EXD2: variants seen among roughly 807,000 people sequenced by gnomAD.
EXD2 encodes exonuclease 3'-5' domain containing 2, also known as exonuclease 3'-5' domain-containing protein 2.
Under a neutral mutation model 62.5 loss-of-function variants are expected in EXD2, and 40 were observed. The ratio of observed to expected loss-of-function variants is 0.64; its 90% confidence interval spans 0.50 to 0.83. EXD2 has a LOEUF of 0.83. EXD2 is among the 40% of genes least tolerant of loss of function. EXD2 has a pLI of 0.00. For missense variants in EXD2, 671 were observed against 761.8 expected (o/e 0.88, Z 1.40); for synonymous variants, 239 against 291.9 (o/e 0.82, Z 1.85).
chr14:69,201,672 G>GTTTTTTTT (rs71102634), intron 1 of EXD2, among the ~76,000 whole-genome samples: 3 of 59,024 alleles, frequency 5.1e-5, no homozygotes, highest in Non-Finnish European at 9.1e-5. Flanking sequence ...TGTTTTCTCT[G>GTTTTTTTT]TTTTTTTTTT....
intron 5 of EXD2, among the ~76,000 whole-genome samples, chr14:69,231,012 T>A (rs1274948566): frequency 6.6e-6 from 1 of 152,230 alleles, no homozygotes; most frequent in Non-Finnish European, 1.5e-5. Context: ...CTCGAACTTC[T>A]GACCTCAAGT....
intron 3 of EXD2, among the ~76,000 whole-genome samples, chr14:69,216,000 A>G (rs1051593316): frequency 6.6e-6 from 1 of 152,094 alleles, no homozygotes; most frequent in Admixed American, 6.6e-5. Context: ...AGTACAGTTG[A>G]TCAAGTCTTT....
Position 69,237,817 on chromosome 14 carries a change from C to T in EXD2, c.1535C>T (p.Ala512Val), listed in dbSNP as rs368454564. The change falls in exon 9 of 10, where the codon GCG (alanine) becomes GTG (valine). Residue 512 changes from alanine (A) to valine (V), a missense_variant. Ala to Val is a moderately conservative substitution (Grantham distance 64, BLOSUM62 0). Transcript: ENST00000685843. ...TCTGGGGCCAGGGCCCTGCTCAACG[C>T]GGAGAGCCTGCCTACTCAGCGAAAG... The part of the protein sequence containing the change: ...VRSGARALLN[A>V]ESLPTQRKEE... 76 of 1,613,572 alleles carry T rather than the reference C, an allele frequency of 4.7e-5. No homozygotes were observed. The highest frequency in any genetic ancestry group is 5.8e-5 in the Non-Finnish European group (69 of 1,179,908).
rs774146343 is a variant in EXD2, at chr14:69,228,910, G to A, written c.428G>A (p.Cys143Tyr). 3.1e-6 allele frequency: 5 copies of A among 1,614,052 alleles called. No individual in the cohort carries two copies. Among genetic ancestry groups the A allele is most frequent in the South Asian group, 1.1e-5 (1 of 91,080 alleles). ...CVLVRLPKLI[C>Y]GGKTLPRTLL... is the part of the protein sequence containing the mutation. ...TTGGTTCGCCTGCCCAAGCTAATCT[G>A]TGGAGGAAAAACACTACCAAGAACG... The change falls in exon 4 of 10, where the codon TGT (cysteine) becomes TAT (tyrosine). Residue 143 changes from cysteine (C) to tyrosine (Y), a missense_variant. Physicochemically the swap from Cys to Tyr is radical, Grantham distance 194 (BLOSUM62 -2). Coordinates refer to ENST00000685843, the MANE Select transcript of EXD2 (RefSeq NM_001193360.2).
Position 69,236,456 on chromosome 14 carries a change from A to G in EXD2, c.1206A>G (p.Ala402=). ...PFVVKLRFEP[A]GRPESPGDYY... is the part of the protein sequence containing the mutation. ...TGGTGAAGCTACGGTTTGAACCTGCAGGAAGGCCCGAATCTCCTGGAGACT... is the reference window on the plus strand; with the variant it reads ...TGGTGAAGCTACGGTTTGAACCTGCGGGAAGGCCCGAATCTCCTGGAGACT... The change falls in exon 8 of 10, where the codon GCA becomes GCG. Residue 402 remains alanine, a synonymous_variant. Coordinates refer to ENST00000685843, the MANE Select transcript of EXD2 (RefSeq NM_001193360.2). The G allele has an allele frequency of 2.5e-6, 4 of 1,614,186 alleles. No individual in the cohort carries two copies. The highest frequency in any genetic ancestry group is 3.4e-6 in the Non-Finnish European group (4 of 1,180,022).
intron 5 of EXD2, among the ~76,000 whole-genome samples, chr14:69,233,395 A>T (rs2043653351): frequency 6.6e-6 from 1 of 151,670 alleles, no homozygotes; most frequent in Non-Finnish European, 1.5e-5. Context: ...TTTTTTTAAA[A>T]TTTTAGTTTT....
chr14:69,192,942 G>C (rs4902699), intron 1 of EXD2, among the ~76,000 whole-genome samples: 2 of 152,036 alleles, frequency 1.3e-5, no homozygotes, highest in Admixed American at 1.3e-4. Context: ...GAGCCCATGT[G>C]AGAGCATTTC....
chr14:69,206,599 G>GC (rs1481003702), intron 2 of EXD2, among the ~76,000 whole-genome samples: 2 of 151,126 alleles, frequency 1.3e-5, no homozygotes, highest in East Asian at 3.9e-4. Context: ...CCCACCTCAG[G>GC]CCCCCCAAGT....
intron 1 of EXD2, among the ~76,000 whole-genome samples, chr14:69,195,231 A>AG (rs1034021280): frequency 1.1e-4 from 2 of 17,406 alleles, no homozygotes; most frequent in Non-Finnish European, 1.9e-4. Flanking sequence ...AAAAAAAAAA[A>AG]AGAGAGATGA....
At chr14:69,240,822 C>A in intron 9 of EXD2, 62 bp from the exon 10 acceptor site, 2 of 1,449,692 alleles carry the variant, frequency 1.4e-6, no homozygotes, top group Non-Finnish European at 1.9e-6. Context: ...GCATTTGAAG[C>A]TGTCTGTGAG....
chr14:69,218,404 G>A (rs1019361671), intron 3 of EXD2, among the ~76,000 whole-genome samples: 1 of 152,096 alleles, frequency 6.6e-6, no homozygotes, highest in Non-Finnish European at 1.5e-5. Context: ...ATTTGTTTGA[G>A]TTCTTTGTTG....
chr14:69,229,107 T>C, intron 4 of EXD2, 35 bp downstream of exon 4: 1 of 1,607,818 alleles, frequency 6.2e-7, no homozygotes. Flanking sequence ...TTCCTATAGC[T>C]GCGGGACAAA....
chr14:69,210,751 C>T (rs1455470966), intron 3 of EXD2, among the ~76,000 whole-genome samples: 4 of 151,732 alleles, frequency 2.6e-5, no homozygotes, highest in Non-Finnish European at 5.9e-5. Context: ...TTGAAGCTGT[C>T]GTGAGCTATG....
Position 69,241,218 on chromosome 14 carries a change from C to G in EXD2, c.*118C>G. On this transcript the variant is annotated 3_prime_UTR_variant, in exon 10 of 10. Transcript: ENST00000685843. ...AGCCTGTGTGACACAACTCAGAATA[C>G]TAACCTAGACTAATCCCAGGATGCT... is the stretch of plus-strand genomic sequence containing the variant. 1.4e-6 allele frequency: 1 copy of G among 726,926 alleles called. No individual in the cohort carries two copies. The highest frequency in any genetic ancestry group is 2.8e-5 in the Admixed American group (1 of 36,038). 45.0% of individuals were successfully genotyped at this position (726,926 alleles called of 1,614,324 possible). A position where few individuals can be genotyped will look rare whatever the true frequency, so the allele number is the denominator to read the frequency against.
chr14:69,231,594 C>G (rs147301845), intron 5 of EXD2, among the ~76,000 whole-genome samples: 1 of 152,144 alleles, frequency 6.6e-6, no homozygotes, highest in African/African-American at 2.4e-5. Flanking sequence ...ATTATTTCCA[C>G]CCCAGACTCC....
chr14:69,236,128 T>G lies in EXD2; in HGVS notation c.1132T>G (p.Trp378Gly). The change falls in exon 7 of 10, where the codon TGG becomes GGG. Residue 378 changes from tryptophan to glycine, a missense_variant. Transcript: ENST00000685843. ...CACTTGTGATAGAAGAAAAGCTCAG[T>G]GGTACCTGGACAAAGGCATTGGTGG... ...LCTCDRRKAQ[W>G]YLDKGIGELV... 2 of 1,614,092 alleles carry G rather than the reference T, an allele frequency of 1.2e-6. No homozygotes were observed. The highest frequency in any genetic ancestry group is 1.7e-6 in the Non-Finnish European group (2 of 1,179,932).
At chr14:69,222,050 T>C (rs1273344604) in intron 3 of EXD2, among the ~76,000 whole-genome samples, 1 of 151,410 alleles carries the variant, frequency 6.6e-6, no homozygotes, top group Non-Finnish European at 1.5e-5. Context: ...ATCGTGCCAT[T>C]GCACTCCACC....
chr14:69,213,226 C>T (rs1010515252), intron 3 of EXD2, among the ~76,000 whole-genome samples: 1 of 151,712 alleles, frequency 6.6e-6, no homozygotes, highest in African/African-American at 2.4e-5. Flanking sequence ...AGGTGTGAGC[C>T]ACCACATGCC....
chr14:69,218,911 C>T (rs2043075340), intron 3 of EXD2, among the ~76,000 whole-genome samples: 1 of 152,090 alleles, frequency 6.6e-6, no homozygotes, highest in Non-Finnish European at 1.5e-5. Context: ...GTTACTGTAG[C>T]CTTGTAGTAT....
Sources: gnomAD v4.1 joint callset for allele counts (sites outside exome capture counted in the v4.1 genomes callset) on GRCh38, gnomAD v4.1.1 for gene constraint, MANE v1.5 for transcripts, NCBI Gene and HGNC (gene_info 2026-07-23, HGNC 2026-07-21) for gene names.